Variants in KPNA1 observed in about 807,000 individuals in gnomAD.
The protein encoded by KPNA1 is karyopherin subunit alpha 1.
Under a neutral mutation model 70.5 loss-of-function variants are expected in KPNA1, and 10 were observed. That is an observed-to-expected ratio of 0.14 (90% CI 0.09 to 0.24). KPNA1 has a LOEUF of 0.24. KPNA1 is among the 10% of genes least tolerant of loss of function. The pLI, the probability that KPNA1 is intolerant of heterozygous loss-of-function variation, is 1.00. For synonymous variants in KPNA1, 192 were observed against 221.9 expected (o/e 0.87, Z 1.20); for missense variants, 397 against 637.9 (o/e 0.62, Z 4.07).
intron 9 of KPNA1, among the ~76,000 whole-genome samples, chr3:122,444,184 G>A (rs2076104120): frequency 6.6e-6 from 1 of 152,152 alleles, no homozygotes; most frequent in Non-Finnish European, 1.5e-5. Flanking sequence ...ATTCTGTTCT[G>A]CCCAGCCCCG....
rs1427984762 is a variant in KPNA1, at chr3:122,454,914, T to G, written c.433-913A>C. 2.0e-5 allele frequency among the ~76,000 whole-genome samples: 3 copies of G among 152,222 alleles called. No homozygotes were observed. The East Asian group carries it at 5.8e-4, about 29-fold the overall frequency. ...AATATATCTCTAACACTAACTTGAC[T>G]CTTTAGCTTAATATTGAGAAATCCA... is the stretch of plus-strand genomic sequence containing the variant. On this transcript the variant is annotated intron_variant, in intron 5 of 13. Coordinates refer to ENST00000344337, the MANE Select transcript of KPNA1 (RefSeq NM_002264.4).
At chr3:122,478,704 G>C (rs138658490) in intron 2 of KPNA1, among the ~76,000 whole-genome samples, 192 of 149,700 alleles carry the variant, frequency 1.3e-3, no homozygotes, top group African/African-American at 4.6e-3. Flanking sequence ...CTCCAGCCTC[G>C]GCTACACAGC....
At chr3:122,455,120 T>C (rs1007699136) in intron 5 of KPNA1, among the ~76,000 whole-genome samples, 1 of 152,242 alleles carries the variant, frequency 6.6e-6, no homozygotes, top group African/African-American at 2.4e-5. Context: ...TCTTCTAAGC[T>C]TCCAGATTAA....
chr3:122,488,383 G>A (rs1205336931), intron 2 of KPNA1, among the ~76,000 whole-genome samples: 1 of 151,938 alleles, frequency 6.6e-6, no homozygotes, highest in Non-Finnish European at 1.5e-5. Context: ...TCAGCCAGAT[G>A]TAGTGGTGCG....
chr3:122,462,236 CAG>C (rs2076332349), intron 4 of KPNA1, among the ~76,000 whole-genome samples: 1 of 150,654 alleles, frequency 6.6e-6, no homozygotes, highest in South Asian at 2.1e-4. Flanking sequence ...CAAAAAAAAA[CAG>C]AAATAAAGCA....
rs958829617 is a variant in KPNA1 at position 122,496,348 on chromosome 3, A to ACACACC, written c.129+88_129+89insGGTGTG. 22 of 1,193,668 alleles carry ACACACC rather than the reference A, an allele frequency of 1.8e-5. No homozygotes were observed. The African/African-American group carries it at 3.4e-4, about 18-fold the overall frequency. The allele number at this position is 1,193,668 out of a possible 1,614,324, so 73.9% of individuals were successfully genotyped here. A position where few individuals can be genotyped will look rare whatever the true frequency, so the allele number is the denominator to read the frequency against. ...CACACACACACACACACACACACACACCCCAACTTTGCTAAAATGAAGATA... is the reference window on the plus strand; with the variant it reads ...CACACACACACACACACACACACACACACACCCCCCAACTTTGCTAAAATGAAGATA... On this transcript the variant is annotated intron_variant, in intron 2 of 13. Transcript: ENST00000344337.
At chr3:122,495,729 A>AGC in intron 2 of KPNA1, among the ~76,000 whole-genome samples, 1 of 149,562 alleles carries the variant, frequency 6.7e-6, no homozygotes, top group African/African-American at 2.4e-5. Context: ...TCCTTAGCAA[A>AGC]AAAAAAAAAA....
intron 12 of KPNA1, chr3:122,433,166 T>TAG (rs1486725017): frequency 6.6e-6 from 1 of 152,426 alleles, no homozygotes; most frequent in East Asian, 1.9e-4. Context: ...CCATAGTACT[T>TAG]TAGAAGATAC....
At chr3:122,499,055 G>A (rs969609163) in intron 1 of KPNA1, among the ~76,000 whole-genome samples, 2 of 152,112 alleles carry the variant, frequency 1.3e-5, no homozygotes, top group Admixed American at 6.5e-5. Flanking sequence ...ACTGATTTTT[G>A]TATACTGATC....
chr3:122,427,300 T>C (rs559549290), intron 13 of KPNA1, 128 bp from the exon 14 acceptor site: 16 of 784,226 alleles, frequency 2.0e-5, no homozygotes, highest in Non-Finnish European at 2.8e-5. Flanking sequence ...AGATTATTTG[T>C]ATCTCATAAG....
At chr3:122,448,097 CAA>C (rs758885591) in intron 9 of KPNA1, among the ~76,000 whole-genome samples, 41 of 152,096 alleles carry the variant, frequency 2.7e-4, no homozygotes, top group Admixed American at 2.0e-3. Context: ...AGTCAGGAAA[CAA>C]GAGATGCTGG....
chr3:122,481,054 T>A (rs1321342869), intron 2 of KPNA1, among the ~76,000 whole-genome samples: 1 of 152,154 alleles, frequency 6.6e-6, no homozygotes, highest in Non-Finnish European at 1.5e-5. Flanking sequence ...CTAATAAAAA[T>A]GTAAAATGGT....
intron 5 of KPNA1, chr3:122,460,602 A>G (rs1396931996): frequency 3.1e-6 from 1 of 320,936 alleles, no homozygotes; most frequent in Non-Finnish European, 4.5e-6. Flanking sequence ...TTGCCACTGC[A>G]CTCCAGCATG....
At chr3:122,460,608 G>T in intron 5 of KPNA1, 1 of 385,790 alleles carries the variant, frequency 2.6e-6, no homozygotes, top group Non-Finnish European at 3.5e-6. Flanking sequence ...CTGCACTCCA[G>T]CATGGGCGAC....
At chr3:122,431,546 A>G (rs116683542) in intron 12 of KPNA1, among the ~76,000 whole-genome samples, 1,807 of 152,326 alleles carry the variant, frequency 0.012, 18 homozygotes, top group Non-Finnish European at 0.02. Flanking sequence ...GATGTCTTTT[A>G]TAAGTGATAA....
At chr3:122,514,148 A>AC (rs2076987944) in intron 1 of KPNA1, among the ~76,000 whole-genome samples, 1 of 149,740 alleles carries the variant, frequency 6.7e-6, no homozygotes, top group South Asian at 2.1e-4. Flanking sequence ...TAATTACCAC[A>AC]CCCCCGATCA....
At chr3:122,493,354 G>GAA (rs77958342) in intron 2 of KPNA1, among the ~76,000 whole-genome samples, 78 of 134,042 alleles carry the variant, frequency 5.8e-4, no homozygotes, top group African/African-American at 1.3e-3. Context: ...AAAGGGACAA[G>GAA]AAAAAAAAAA....
At chr3:122,499,178 T>C (rs1460987809) in intron 1 of KPNA1, among the ~76,000 whole-genome samples, 2 of 152,230 alleles carry the variant, frequency 1.3e-5, no homozygotes, top group African/African-American at 4.8e-5. Context: ...TTGATGTCTT[T>C]TACTTCTTTT....
At chr3:122,468,706 A>C (rs2076408800) in intron 2 of KPNA1, among the ~76,000 whole-genome samples, 1 of 152,214 alleles carries the variant, frequency 6.6e-6, no homozygotes, top group Non-Finnish European at 1.5e-5. Flanking sequence ...TAAATGGATA[A>C]AGTGGACAGC....
Sources: allele counts gnomAD v4.1 joint callset (sites outside exome capture counted in the v4.1 genomes callset), GRCh38; gene constraint gnomAD v4.1.1; transcripts MANE v1.5; gene names NCBI Gene and HGNC (gene_info 2026-07-23, HGNC 2026-07-21).